Variants in JMY observed in about 807,000 individuals in gnomAD.
JMY encodes the protein junction mediating and regulatory protein, p53 cofactor.
In JMY, 46 loss-of-function variants were observed where a neutral mutation model predicts 103.3. The ratio of observed to expected loss-of-function variants is 0.45; its 90% CI spans 0.35 to 0.57. The LOEUF (loss-of-function observed/expected upper bound fraction) is 0.57, where lower values mean the gene tolerates loss of function less well. JMY is among the 20% of genes least tolerant of loss of function. The pLI, the probability that JMY is intolerant of heterozygous loss-of-function variation, is 0.00. For missense variants in JMY, 1,238 were observed against 1,255.2 expected (o/e 0.99, Z 0.21); for synonymous variants, 526 against 489.3 (o/e 1.07, Z -0.99).
Position 79,285,012 on chromosome 5 carries a change from CT to C in JMY, c.1207-5106del, listed in dbSNP as rs1286722777. On this transcript the variant is annotated intron_variant, in intron 2 of 10. Coordinates refer to ENST00000396137, the MANE Select transcript of JMY (RefSeq NM_152405.5). ...ACCTCTAGATTTTTAAATCCAGTGT[CT>C]TTAATGAGTCAGAGCCAGCTGGACT... is the stretch of plus-strand genomic sequence containing the variant. The C allele has an allele frequency of 5.1e-6, 4 of 780,994 alleles. No homozygotes were observed. The East Asian group carries it at 1.1e-4, about 21-fold the overall frequency. The allele number at this position is 780,994 out of a possible 1,614,324, so 48.4% of individuals were successfully genotyped here. A position where few individuals can be genotyped will look rare whatever the true frequency, so the allele number is the denominator to read the frequency against.
At chr5:79,294,437 GAAAT>G (rs1333249601) in intron 4 of JMY, among the ~76,000 whole-genome samples, 2 of 152,034 alleles carry the variant, frequency 1.3e-5, no homozygotes, top group African/African-American at 2.4e-5. Context: ...AAAATGAAAT[GAAAT>G]AAAGCCATCA....
chr5:79,292,518 C>A (rs187829808), intron 4 of JMY, among the ~76,000 whole-genome samples: 5 of 152,064 alleles, frequency 3.3e-5, no homozygotes, highest in African/African-American at 1.2e-4. Flanking sequence ...ACGAGGTCTC[C>A]CTATATTGCC....
At chr5:79,252,214 G>A (rs1213373669) in intron 1 of JMY, among the ~76,000 whole-genome samples, 1 of 151,902 alleles carries the variant, frequency 6.6e-6, no homozygotes, top group Non-Finnish European at 1.5e-5. Flanking sequence ...TTTCTTCATT[G>A]ACCTACTGGT....
rs58968624 is a variant in JMY at position 79,325,079 on chromosome 5, CTGTT to C, written c.*3480_*3483del. 4 of 152,606 alleles carry C rather than the reference CTGTT, an allele frequency of 2.6e-5. No individual in the cohort carries two copies. The highest frequency in any genetic ancestry group is 7.2e-5 in the African/African-American group (3 of 41,438). The allele number at this position is 152,606 out of a possible 1,614,324, so 9.5% of individuals were successfully genotyped here. ...CAAAAACTAATGGGCAGCATTCTCT[CTGTT>C]TGGAATGGGATCAGTATACAATTAA... On this transcript the variant is annotated 3_prime_UTR_variant, in exon 11 of 11. Transcript: ENST00000396137.
At chr5:79,284,356 A>C in intron 2 of JMY, 4 of 1,284,892 alleles carry the variant, frequency 3.1e-6, no homozygotes, top group Non-Finnish European at 4.5e-6. Flanking sequence ...TGCTGTCTGG[A>C]ATCAATTTAT....
chr5:79,265,444 C>G (rs1333802634), intron 1 of JMY, among the ~76,000 whole-genome samples: 2 of 152,162 alleles, frequency 1.3e-5, no homozygotes, highest in African/African-American at 2.4e-5. Context: ...TTCTGCAGAT[C>G]TAAAGGTGAG....
chr5:79,240,195 T>C (rs1341282623), intron 1 of JMY, among the ~76,000 whole-genome samples: 1 of 151,918 alleles, frequency 6.6e-6, no homozygotes, highest in East Asian at 2.0e-4. Flanking sequence ...TTTGTATTTT[T>C]AGTAGAGATG....
At chr5:79,300,362 A>C (rs777535444) in intron 5 of JMY, 44 bp downstream of exon 5, 1 of 1,458,048 alleles carries the variant, frequency 6.9e-7, no homozygotes, top group East Asian at 2.5e-5. Context: ...AAGATTGAAT[A>C]CATGAGAAAA....
At chr5:79,270,340 A>G (rs12521178) in intron 1 of JMY, among the ~76,000 whole-genome samples, 2,505 of 98,010 alleles carry the variant, frequency 0.026, 73 homozygotes, top group African/African-American at 0.078. Flanking sequence ...TATTTAAAAT[A>G]TATATTTACA....
At chr5:79,288,959 G>A (rs1252020317) in intron 2 of JMY, among the ~76,000 whole-genome samples, 2 of 151,988 alleles carry the variant, frequency 1.3e-5, no homozygotes, top group African/African-American at 4.8e-5. Context: ...TGTAGGCCAG[G>A]TGTGGTGGCT....
chr5:79,251,716 C>G (rs1247280418), intron 1 of JMY, among the ~76,000 whole-genome samples: 1 of 151,416 alleles, frequency 6.6e-6, no homozygotes, highest in Non-Finnish European at 1.5e-5. Flanking sequence ...ATTCTACTCT[C>G]TATTTCAATT....
intron 9 of JMY, among the ~76,000 whole-genome samples, 159 bp from the exon 10 acceptor site, chr5:79,315,841 T>C (rs1394802736): frequency 6.6e-6 from 1 of 152,230 alleles, no homozygotes; most frequent in Non-Finnish European, 1.5e-5. Context: ...TTAGGATCCC[T>C]TGTGTTCTGA....
At chr5:79,276,157 C>T (rs374545185) in intron 1 of JMY, among the ~76,000 whole-genome samples, 8 of 152,246 alleles carry the variant, frequency 5.3e-5, no homozygotes, top group African/African-American at 1.9e-4. Flanking sequence ...CTCACTCTGT[C>T]ACCCAGGCTG....
chr5:79,255,214 C>T lies in JMY; in HGVS notation c.1032+17532C>T, dbSNP rs575764810. Among the ~76,000 whole-genome samples, 13 of 148,718 alleles carry T rather than the reference C, an allele frequency of 8.7e-5. No individual in the cohort carries two copies. In the East Asian group the frequency reaches 2.2e-3, roughly 25 times the overall value. ...CAGGTTCAAGGGATTCTCCTGCCTC[C>T]GCCTCCTGAGTACCTGGGATTACAG... On this transcript the variant is annotated intron_variant, in intron 1 of 10. Transcript: ENST00000396137.
chr5:79,253,515 A>C (rs1002208984), intron 1 of JMY, among the ~76,000 whole-genome samples: 1 of 151,890 alleles, frequency 6.6e-6, no homozygotes, highest in African/African-American at 2.4e-5. Flanking sequence ...GATAGTCTTG[A>C]TCTCCTGACC....
intron 4 of JMY, among the ~76,000 whole-genome samples, chr5:79,295,008 C>T (rs1746528573): frequency 6.6e-6 from 1 of 152,116 alleles, no homozygotes; most frequent in African/African-American, 2.4e-5. Flanking sequence ...AGATTAGCTA[C>T]TTATTTTTGT....
intron 8 of JMY, 103 bp from the exon 9 acceptor site, chr5:79,314,154 C>T (rs546669811): frequency 7.6e-5 from 114 of 1,496,020 alleles, no homozygotes; most frequent in South Asian, 6.0e-4. Flanking sequence ...CCACCACACC[C>T]GGCCACATAA....
Position 79,314,267 on chromosome 5 carries a change from G to A in JMY, c.2075G>A (p.Gly692Glu). ...RLRTFKQRYP[G>E]QVILKSTRLR... ...CTTCTGGTATTTTAGAGGTATCCTG[G>A]GCAAGTCATACTTAAATCAACCAGA... Residue 692 changes from glycine (G) to glutamate (E), a missense_variant, in exon 9 of 11, where the codon GGG (glycine) becomes GAG (glutamate). Gly to Glu is a moderately conservative substitution (Grantham distance 98). Coordinates refer to ENST00000396137, the MANE Select transcript of JMY (RefSeq NM_152405.5). 6.2e-7 allele frequency: 1 copy of A among 1,609,980 alleles called. No individual in the cohort carries two copies. The highest frequency in any genetic ancestry group is 8.5e-7 in the Non-Finnish European group (1 of 1,178,164).
intron 4 of JMY, among the ~76,000 whole-genome samples, chr5:79,293,624 A>G (rs181427991): frequency 2.4e-4 from 36 of 152,226 alleles, no homozygotes; most frequent in Admixed American, 2.1e-3. Context: ...GAATATGACA[A>G]CCCTGTACTC....
Sources: gnomAD v4.1 joint callset for allele counts (sites outside exome capture counted in the v4.1 genomes callset) on GRCh38, gnomAD v4.1.1 for gene constraint, MANE v1.5 for transcripts, NCBI Gene and HGNC (gene_info 2026-07-23, HGNC 2026-07-21) for gene names.